PDS5A: variants seen among roughly 807,000 people sequenced by gnomAD.
PDS5A encodes sister chromatid cohesion protein PDS5 homolog A.
Under a neutral mutation model 167.1 loss-of-function variants are expected in PDS5A, and 42 were observed. The ratio of observed to expected loss-of-function variants is 0.25; its 90% CI spans 0.20 to 0.33. The LOEUF is 0.33. PDS5A is among the 10% of genes least tolerant of loss of function. The probability of loss-of-function intolerance (pLI) is 1.00; values close to 1 mark genes in which losing one functional copy is unlikely to be tolerated. For synonymous variants in PDS5A, 553 were observed against 554.6 expected, an observed-to-expected ratio of 1.00 and a Z score of 0.04; for missense variants, 1,033 against 1,605.9, an observed-to-expected ratio of 0.64 and a Z score of 6.10.
At chr4:39,925,790 T>C (rs373908028) in intron 5 of PDS5A, 46 bp downstream of exon 5, 739 of 717,174 alleles carry the variant, frequency 1.0e-3, no homozygotes, top group Non-Finnish European at 1.5e-3. Flanking sequence ...TCTGAATACA[T>C]AATCAAGAAA....
chr4:39,862,163 C>T, intron 26 of PDS5A, 56 bp downstream of exon 26: 2 of 617,158 alleles, frequency 3.2e-6, no homozygotes, highest in Admixed American at 3.4e-5. Flanking sequence ...AAAAATTTAC[C>T]ATTTTTTGAA....
At chr4:39,959,085 TAAAGA>T (rs1429581941) in intron 2 of PDS5A, among the ~76,000 whole-genome samples, 1 of 152,166 alleles carries the variant, frequency 6.6e-6, no homozygotes, top group Non-Finnish European at 1.5e-5. Flanking sequence ...TCTTTTTATC[TAAAGA>T]AACAAATGCA....
intron 20 of PDS5A, among the ~76,000 whole-genome samples, chr4:39,873,741 T>C (rs1368567216): frequency 6.6e-6 from 1 of 152,136 alleles, no homozygotes; most frequent in Non-Finnish European, 1.5e-5. Flanking sequence ...TTAAGTAAAA[T>C]GTTCTAACAT....
At chr4:39,955,602 A>G (rs566714729) in intron 2 of PDS5A, among the ~76,000 whole-genome samples, 1 of 152,078 alleles carries the variant, frequency 6.6e-6, no homozygotes, top group African/African-American at 2.4e-5. Context: ...CTCTGTCATA[A>G]AAAAACAACA....
chr4:39,973,372 T>C, intron 2 of PDS5A: 1 of 1,602,994 alleles, frequency 6.2e-7, no homozygotes, highest in Non-Finnish European at 8.5e-7. Context: ...ATTAAGATGT[T>C]GCTGAGGATT....
At chr4:39,836,102 G>T (rs936897924) in intron 32 of PDS5A, among the ~76,000 whole-genome samples, 5 of 152,198 alleles carry the variant, frequency 3.3e-5, no homozygotes, top group African/African-American at 1.2e-4. Flanking sequence ...TAGGCACTTT[G>T]CTAGGCGCTT....
rs183097078 is a variant in PDS5A at position 39,844,217 on chromosome 4, G to A, written c.3548+439C>T. Among the ~76,000 whole-genome samples the A allele has an allele frequency of 5.4e-3, 819 of 152,274 alleles. 5 individuals carry two copies. Among genetic ancestry groups the A allele is most frequent in the African/African-American group, 0.018 (754 of 41,556 alleles). ...TGGCTGGGTGCGGTGGCTTACGCCTGTAATCCCAACACTTTGGGAGGCTGA... is the reference window on the plus strand; with the variant it reads ...TGGCTGGGTGCGGTGGCTTACGCCTATAATCCCAACACTTTGGGAGGCTGA... On this transcript the variant is annotated intron_variant, in intron 30 of 32. Coordinates refer to ENST00000303538, the MANE Select transcript of PDS5A (RefSeq NM_001100399.2).
At chr4:39,951,920 A>AAAAAAAAAAAAAAC (rs58625322) in intron 2 of PDS5A, among the ~76,000 whole-genome samples, 1 of 150,928 alleles carries the variant, frequency 6.6e-6, no homozygotes, top group Non-Finnish European at 1.5e-5. Context: ...AAAAAAAAAA[A>AAAAAAAAAAAAAAC]TCTGTATCAC....
chr4:39,842,912 TATATATATA>T (rs1717180196), intron 30 of PDS5A, among the ~76,000 whole-genome samples: 3 of 68,530 alleles, frequency 4.4e-5, no homozygotes, highest in Non-Finnish European at 1.1e-4. Flanking sequence ...CCTATTTTTA[TATATATATA>T]TATATATATA....
intron 26 of PDS5A, among the ~76,000 whole-genome samples, chr4:39,851,255 A>G (rs2109520187): frequency 6.6e-6 from 1 of 152,286 alleles, no homozygotes; most frequent in South Asian, 2.1e-4. Context: ...GACTCTATAA[A>G]GAATAAGAAA....
Position 39,871,806 on chromosome 4 carries a change from C to T in PDS5A, c.2436+1180G>A, listed in dbSNP as rs981322662. Among the ~76,000 whole-genome samples, 63 of 151,134 alleles carry T rather than the reference C, an allele frequency of 4.2e-4. 1 individual carries two copies. The highest frequency in any genetic ancestry group is 3.4e-3 in the Middle Eastern group (1 of 290). On this transcript the variant is annotated intron_variant, in intron 21 of 32. Coordinates refer to ENST00000303538, the MANE Select transcript of PDS5A (RefSeq NM_001100399.2). ...GCAACCTCTGCCTCCCGGGTTCAAG[C>T]GATTCTCCTGCCTCAGCCTCCCGAA...
chr4:39,957,083 A>G (rs1396853930), intron 2 of PDS5A, among the ~76,000 whole-genome samples: 1 of 152,152 alleles, frequency 6.6e-6, no homozygotes, highest in African/African-American at 2.4e-5. Context: ...TTTTCTTTTC[A>G]CACACAAGGA....
intron 5 of PDS5A, 120 bp from the exon 6 acceptor site, chr4:39,922,868 A>C: frequency 8.4e-7 from 1 of 1,191,450 alleles, no homozygotes; most frequent in Non-Finnish European, 1.1e-6. Flanking sequence ...AAGGATTTTC[A>C]CTTGAGGGAC....
chr4:39,900,338 A>T (rs1722770892), intron 14 of PDS5A, 88 bp downstream of exon 14: 4 of 756,058 alleles, frequency 5.3e-6, no homozygotes, highest in Non-Finnish European at 9.0e-6. Flanking sequence ...CAACTGAGAT[A>T]CTTTTTCCCT....
chr4:39,928,233 T>C, intron 2 of PDS5A, 69 bp from the exon 3 acceptor site: 2 of 814,810 alleles, frequency 2.5e-6, no homozygotes, highest in Non-Finnish European at 3.6e-6. Context: ...GGATGTGATT[T>C]AAAAAAAAAA....
chr4:39,870,472 A>T (rs998938483), intron 21 of PDS5A, among the ~76,000 whole-genome samples: 1 of 152,044 alleles, frequency 6.6e-6, no homozygotes, highest in African/African-American at 2.4e-5. Flanking sequence ...TGATAGTCCC[A>T]GCTACTCAGG....
At chr4:39,898,610 A>G in intron 15 of PDS5A, 82 bp from the exon 16 acceptor site, 2 of 1,017,290 alleles carry the variant, frequency 2.0e-6, no homozygotes, top group Non-Finnish European at 2.8e-6. Flanking sequence ...TGCCATCAAA[A>G]TATTGCGGAG....
Position 39,922,764 on chromosome 4 carries a change from A to AC in PDS5A, c.528-17_528-16insG. On this transcript the variant is annotated splice_polypyrimidine_tract_variant and intron_variant, in intron 5 of 32. Transcript: ENST00000303538. ...GTGGCTATTGCTATAAAAAAAAAAA[A>AC]AAAAGAATAAGTAGTAGGAGGAGGA... 1 of 1,473,922 alleles carries AC rather than the reference A, an allele frequency of 6.8e-7. No individual in the cohort carries two copies. The highest frequency in any genetic ancestry group is 9.0e-7 in the Non-Finnish European group (1 of 1,111,402). 91.3% of individuals were successfully genotyped at this position (1,473,922 alleles called of 1,614,324 possible).
chr4:39,947,101 AAT>A (rs1177008855), intron 2 of PDS5A, among the ~76,000 whole-genome samples: 2 of 152,142 alleles, frequency 1.3e-5, no homozygotes, highest in South Asian at 2.1e-4. Context: ...AATTAATTAA[AAT>A]ATGTTTTTTA....
Sources: gnomAD v4.1 joint callset for allele counts (sites outside exome capture counted in the v4.1 genomes callset) on GRCh38, gnomAD v4.1.1 for gene constraint, MANE v1.5 for transcripts, NCBI Gene and HGNC (gene_info 2026-07-23, HGNC 2026-07-21) for gene names.